Variants in ARHGAP31 observed in about 807,000 individuals in gnomAD.
The protein encoded by ARHGAP31 is Rho GTPase activating protein 31, also known as rho GTPase-activating protein 31.
ARHGAP31 carries 34 observed loss-of-function variants against 113.9 expected under a neutral mutation model. That is an observed-to-expected ratio of 0.30 (90% CI 0.23 to 0.40). The LOEUF is 0.40. ARHGAP31 is among the 10% of genes least tolerant of loss of function. ARHGAP31 has a pLI of 1.00. For missense variants in ARHGAP31, 1,548 were observed against 1,767.1 expected (o/e 0.88, Z 2.22); for synonymous variants, 650 against 684.8 (o/e 0.95, Z 0.79).
intron 1 of ARHGAP31, among the ~76,000 whole-genome samples, chr3:119,318,579 T>C (rs1030921038): frequency 6.6e-6 from 1 of 152,300 alleles, no homozygotes; most frequent in East Asian, 1.9e-4. Context: ...TTTAATTCTG[T>C]TTCACAGAGC....
chr3:119,323,951 T>C (rs562991523), intron 1 of ARHGAP31, among the ~76,000 whole-genome samples: 2 of 152,168 alleles, frequency 1.3e-5, no homozygotes, highest in South Asian at 4.2e-4. Flanking sequence ...AATAAGAAGG[T>C]GGGCCCCCAA....
intron 1 of ARHGAP31, among the ~76,000 whole-genome samples, chr3:119,359,259 C>T (rs1403208148): frequency 6.6e-6 from 1 of 152,016 alleles, no homozygotes; most frequent in East Asian, 1.9e-4. Flanking sequence ...CTCAGGTGAT[C>T]CACCTGCCTT....
At chr3:119,384,194 T>C (rs1174711319) in intron 6 of ARHGAP31, among the ~76,000 whole-genome samples, 1 of 152,228 alleles carries the variant, frequency 6.6e-6, no homozygotes, top group Non-Finnish European at 1.5e-5. Flanking sequence ...TATCAAATTT[T>C]GATTCCTGGT....
At chr3:119,378,987 C>T (rs968744843) in intron 3 of ARHGAP31, among the ~76,000 whole-genome samples, 7 of 152,338 alleles carry the variant, frequency 4.6e-5, no homozygotes, top group African/African-American at 1.7e-4. Flanking sequence ...CGTTTCTCCC[C>T]ACTTCTGCTT....
chr3:119,371,547 A>G (rs2080296894), intron 3 of ARHGAP31, among the ~76,000 whole-genome samples: 1 of 152,244 alleles, frequency 6.6e-6, no homozygotes, highest in Non-Finnish European at 1.5e-5. Context: ...CACAGATAAT[A>G]TAAGTAAACC....
intron 3 of ARHGAP31, among the ~76,000 whole-genome samples, chr3:119,369,277 G>T (rs558476876): frequency 1.3e-5 from 2 of 152,192 alleles, no homozygotes; most frequent in Non-Finnish European, 2.9e-5. Flanking sequence ...GGTTCAGTTG[G>T]CAAAGAGGGA....
At position 119,414,794 on chromosome 3, in the gene ARHGAP31, A is replaced by G; in HGVS notation, c.2865A>G (p.Leu955=). ...HRPSLRQSHS[L]DSKPTVKSQW... Reference sequence around the variant, plus strand: ...CCAGCCTTCGCCAGAGCCATTCTCTAGATAGCAAACCCACGGTTAAAAGCC... The same window carrying G: ...CCAGCCTTCGCCAGAGCCATTCTCTGGATAGCAAACCCACGGTTAAAAGCC... The change falls in exon 12 of 12, where the codon CTA becomes CTG. Residue 955 remains leucine (L), a synonymous_variant. Coordinates refer to ENST00000264245, the MANE Select transcript of ARHGAP31 (RefSeq NM_020754.4). The G allele has an allele frequency of 1.2e-6, 2 of 1,614,212 alleles. No individual in the cohort carries two copies. The highest frequency in any genetic ancestry group is 1.7e-6 in the Non-Finnish European group (2 of 1,180,034).
chr3:119,374,539 T>C (rs2080330823), intron 3 of ARHGAP31, among the ~76,000 whole-genome samples: 1 of 152,174 alleles, frequency 6.6e-6, no homozygotes, highest in Non-Finnish European at 1.5e-5. Context: ...AATCTCCACA[T>C]GTTGAGGGAG....
At chr3:119,295,047 T>G in intron 1 of ARHGAP31, 43 bp downstream of exon 1, 2 of 1,577,628 alleles carry the variant, frequency 1.3e-6, no homozygotes, top group Non-Finnish European at 8.7e-7. Context: ...ACCTTCTTTT[T>G]GTTTGAGGGA....
chr3:119,351,585 C>A (rs2080111155), intron 1 of ARHGAP31, among the ~76,000 whole-genome samples: 5 of 151,656 alleles, frequency 3.3e-5, no homozygotes, highest in Admixed American at 3.3e-4. Context: ...GTTAATTCAT[C>A]CCCATAAGCA....
At chr3:119,320,311 A>G (rs906208198) in intron 1 of ARHGAP31, among the ~76,000 whole-genome samples, 1 of 152,164 alleles carries the variant, frequency 6.6e-6, no homozygotes, top group Non-Finnish European at 1.5e-5. Context: ...CTTTCTTGAT[A>G]TTCTTCCTTC....
chr3:119,355,556 A>G (rs2080147869), intron 1 of ARHGAP31, among the ~76,000 whole-genome samples: 1 of 151,254 alleles, frequency 6.6e-6, no homozygotes, highest in Non-Finnish European at 1.5e-5. Flanking sequence ...TTACATAGGT[A>G]TACATGTGCC....
intron 1 of ARHGAP31, among the ~76,000 whole-genome samples, chr3:119,329,248 A>G (rs1301554879): frequency 6.6e-6 from 1 of 152,190 alleles, no homozygotes; most frequent in African/African-American, 2.4e-5. Flanking sequence ...CACCAAGTTT[A>G]TCTTTCTTCA....
rs753172828 is a variant in ARHGAP31, at chr3:119,401,853, A to G, written c.1101A>G (p.Thr367=). The G allele has an allele frequency of 6.2e-7, 1 of 1,614,028 alleles. No individual in the cohort carries two copies. Among genetic ancestry groups the G allele is most frequent in the Non-Finnish European group, 8.5e-7 (1 of 1,180,012 alleles). Residue 367 remains threonine, a synonymous_variant, in exon 10 of 12, where the codon ACA becomes ACG. Coordinates refer to ENST00000264245, the MANE Select transcript of ARHGAP31 (RefSeq NM_020754.4). ...GKETKGNFNR[T]VTTGGFFIPA... Reference sequence around the variant, plus strand: ...AAACCAAGGGAAATTTCAATCGAACAGTTACCACCGGTGGATTTTTCATTC... The same window carrying G: ...AAACCAAGGGAAATTTCAATCGAACGGTTACCACCGGTGGATTTTTCATTC...
At chr3:119,340,715 G>A (rs1177119210) in intron 1 of ARHGAP31, among the ~76,000 whole-genome samples, 2 of 152,114 alleles carry the variant, frequency 1.3e-5, no homozygotes, top group South Asian at 2.1e-4. Context: ...CGTGGGTGCC[G>A]TTTCCATACA....
intron 1 of ARHGAP31, among the ~76,000 whole-genome samples, chr3:119,307,961 G>C (rs200558328): frequency 1.3e-4 from 1 of 7,912 alleles, no homozygotes; most frequent in Non-Finnish European, 2.6e-4. Flanking sequence ...AAAAAAAAAA[G>C]CTCAATCTTA....
intron 10 of ARHGAP31, among the ~76,000 whole-genome samples, chr3:119,406,190 T>C (rs1559995419): frequency 6.6e-6 from 1 of 151,866 alleles, no homozygotes; most frequent in Non-Finnish European, 1.5e-5. Flanking sequence ...AGCAAGGGAG[T>C]GAGTGATAGG....
chr3:119,350,331 G>T (rs2080100224), intron 1 of ARHGAP31, among the ~76,000 whole-genome samples: 1 of 152,208 alleles, frequency 6.6e-6, no homozygotes, highest in Non-Finnish European at 1.5e-5. Flanking sequence ...AAGGATGCTG[G>T]TGTGGGGGCT....
At chr3:119,410,071 A>G (rs1317203448) in intron 11 of ARHGAP31, among the ~76,000 whole-genome samples, 1 of 152,130 alleles carries the variant, frequency 6.6e-6, no homozygotes. Context: ...TTGGAATGTA[A>G]TGACATTCAA....
Sources: allele counts gnomAD v4.1 joint callset (sites outside exome capture counted in the v4.1 genomes callset), GRCh38; gene constraint gnomAD v4.1.1; transcripts MANE v1.5; gene names NCBI Gene and HGNC (gene_info 2026-07-23, HGNC 2026-07-21).